UPF2: variants seen among roughly 807,000 people sequenced by gnomAD.
UPF2 encodes regulator of nonsense transcripts 2.
In UPF2, 17 loss-of-function variants were observed where a neutral mutation model predicts 141.4. The ratio of observed to expected loss-of-function variants is 0.12; its 90% CI spans 0.08 to 0.18. The LOEUF is 0.18. Among genes scored for constraint, UPF2 ranks in the 10% least tolerant of loss-of-function variants. The pLI is 1.00. For synonymous variants in UPF2, 540 were observed against 498.0 expected, an observed-to-expected ratio of 1.08 and a Z score of -1.12; for missense variants, 1,152 against 1,515.9, an observed-to-expected ratio of 0.76 and a Z score of 3.99.
rs1221717228 is a variant in UPF2, at chr10:11,939,547, CTT to C, written c.3379-2837_3379-2836del. Among the ~76,000 whole-genome samples, 22 of 149,670 alleles carry C rather than the reference CTT, an allele frequency of 1.5e-4. No individual in the cohort carries two copies. The highest frequency in any genetic ancestry group is 4.0e-4 in the Admixed American group (6 of 14,958). ...TTTTTTTTTAAGACGAAGTCTCGCTCTTGTCTCCCCCGGCTGGAGTGCAATGG... is the reference window on the plus strand; with the variant it reads ...TTTTTTTTTAAGACGAAGTCTCGCTCGTCTCCCCCGGCTGGAGTGCAATGG... On this transcript the variant is annotated intron_variant, in intron 18 of 21. Coordinates refer to ENST00000357604, the MANE Select transcript of UPF2 (RefSeq NM_015542.4). This position sits in a 1 kb window ranked among gnomAD's most constrained non-coding sequence, Gnocchi z 4.8.
At position 12,028,765 on chromosome 10, in the gene UPF2, C is replaced by T. The variant is rs1291222826; in HGVS notation, c.1125G>A (p.Gln375=). Residue 375 remains glutamine, a synonymous_variant, in exon 3 of 22, where the codon CAG becomes CAA. Coordinates refer to ENST00000357604, the MANE Select transcript of UPF2 (RefSeq NM_015542.4). ...KHLKRDHREL[Q]NTERQNRRIL... ...ATCACCTGTTTTGTCTCTCAGTATTCTGGAGCTCCCTGTGGTCCCTTTTCA... is the reference window on the plus strand; with the variant it reads ...ATCACCTGTTTTGTCTCTCAGTATTTTGGAGCTCCCTGTGGTCCCTTTTCA... The T allele has an allele frequency of 6.2e-7, 1 of 1,602,276 alleles. No individual in the cohort carries two copies. The highest frequency in any genetic ancestry group is 1.3e-5 in the African/African-American group (1 of 74,178).
intron 2 of UPF2, 150 bp downstream of exon 2, chr10:12,034,909 G>C (rs771459498): frequency 2.6e-6 from 3 of 1,158,872 alleles, no homozygotes; most frequent in Non-Finnish European, 3.6e-6. Flanking sequence ...CATGCCTCTA[G>C]TCAGTGAAAC....
intron 11 of UPF2, among the ~76,000 whole-genome samples, chr10:11,960,498 C>T: frequency 6.6e-6 from 1 of 152,090 alleles, no homozygotes; most frequent in Admixed American, 6.6e-5. Flanking sequence ...AGCCCAGAAG[C>T]TCGAGGCTAC....
chr10:11,959,079 G>A lies in UPF2; in HGVS notation c.2370+92C>T. The A allele has an allele frequency of 1.6e-6, 2 of 1,262,708 alleles. No homozygotes were observed. Among genetic ancestry groups the A allele is most frequent in the East Asian group, 5.1e-5 (2 of 39,052 alleles). The allele number at this position is 1,262,708 out of a possible 1,614,324, so 78.2% of individuals were successfully genotyped here. On this transcript the variant is annotated intron_variant, in intron 12 of 21. Transcript: ENST00000357604. The surrounding 1 kb of genome is among the most constrained non-coding windows in gnomAD (Gnocchi z 5.9). ...CAGAGCTGATTATAAAGGAACTTGA[G>A]CTCTACCCCCACTTCTCCTAGACTC... is the stretch of plus-strand genomic sequence containing the variant.
At chr10:11,929,216 T>C (rs1832752108) in intron 21 of UPF2, among the ~76,000 whole-genome samples, 1 of 152,222 alleles carries the variant, frequency 6.6e-6, no homozygotes, top group South Asian at 2.1e-4. Flanking sequence ...AAATAGATTT[T>C]TAGTTTTTGT....
chr10:11,965,245 A>G (rs1419261062), intron 10 of UPF2, among the ~76,000 whole-genome samples: 1 of 152,170 alleles, frequency 6.6e-6, no homozygotes, highest in Non-Finnish European at 1.5e-5. Context: ...TTCTTCCTAT[A>G]TATTTTTAAG....
chr10:11,937,665 G>A (rs779082193), intron 18 of UPF2, among the ~76,000 whole-genome samples: 11 of 152,106 alleles, frequency 7.2e-5, no homozygotes, highest in Admixed American at 1.3e-4. Flanking sequence ...AAAGAGGGAC[G>A]AGCTGAATGT....
intron 4 of UPF2, among the ~76,000 whole-genome samples, chr10:12,011,492 T>C (rs1486441336): frequency 6.6e-6 from 1 of 151,876 alleles, no homozygotes; most frequent in Non-Finnish European, 1.5e-5. Context: ...CAGTTATTGC[T>C]TGGGAGGCTG....
chr10:11,980,136 C>T lies in UPF2; in HGVS notation c.1845-971G>A, dbSNP rs553944646. ...TTCCCATTACACAGGAATGATGCTCCAGAATCCTGCCTAGCACAGCACTCC... is the reference window on the plus strand; with the variant it reads ...TTCCCATTACACAGGAATGATGCTCTAGAATCCTGCCTAGCACAGCACTCC... On this transcript the variant is annotated intron_variant, in intron 8 of 21. Coordinates refer to ENST00000357604, the MANE Select transcript of UPF2 (RefSeq NM_015542.4). The surrounding 1 kb of genome is among the most constrained non-coding windows in gnomAD (Gnocchi z 4.2). Among the ~76,000 whole-genome samples the T allele has an allele frequency of 1.5e-3, 236 of 152,298 alleles. No individual in the cohort carries two copies. Among genetic ancestry groups the T allele is most frequent in the African/African-American group, 5.6e-3 (232 of 41,558 alleles).
intron 11 of UPF2, among the ~76,000 whole-genome samples, chr10:11,960,865 G>A (rs1833228788): frequency 6.6e-6 from 1 of 152,056 alleles, no homozygotes; most frequent in Middle Eastern, 3.2e-3. Flanking sequence ...GCCAAGACAA[G>A]AGGATCACTT....
intron 11 of UPF2, among the ~76,000 whole-genome samples, chr10:11,960,844 C>T (rs1312952613): frequency 6.6e-6 from 1 of 151,798 alleles, no homozygotes; most frequent in Non-Finnish European, 1.5e-5. Flanking sequence ...GTAATCCCAA[C>T]ACTTTGGGAG....
chr10:11,949,045 A>T (rs1445123987), intron 15 of UPF2, among the ~76,000 whole-genome samples: 1 of 152,192 alleles, frequency 6.6e-6, no homozygotes, highest in African/African-American at 2.4e-5. Context: ...CATACAGACT[A>T]ATTTTTTTTC....
chr10:11,942,873 T>G, intron 17 of UPF2, 110 bp from the exon 18 acceptor site: 1 of 983,752 alleles, frequency 1.0e-6, no homozygotes, highest in South Asian at 1.5e-5. Context: ...AGGAGTAAAG[T>G]GAGTAAAATA....
intron 1 of UPF2, among the ~76,000 whole-genome samples, chr10:12,036,821 T>C (rs901814148): frequency 6.6e-6 from 1 of 152,100 alleles, no homozygotes; most frequent in African/African-American, 2.4e-5. Context: ...AAGTCGAGAG[T>C]TCGAGACCAA....
At chr10:12,010,580 C>T (rs1458869806) in intron 4 of UPF2, among the ~76,000 whole-genome samples, 1 of 152,116 alleles carries the variant, frequency 6.6e-6, no homozygotes, top group African/African-American at 2.4e-5. Context: ...GAAAGGACAT[C>T]AATGAACTGT....
chr10:11,922,535 G>A (rs1379844933), intron 21 of UPF2, among the ~76,000 whole-genome samples: 1 of 152,154 alleles, frequency 6.6e-6, no homozygotes, highest in East Asian at 1.9e-4. Context: ...AATAAATGCA[G>A]TAAATGACAG....
chr10:11,992,143 C>CAAAA lies in UPF2; in HGVS notation c.1844+5525_1844+5528dup, dbSNP rs111374153. Among the ~76,000 whole-genome samples the CAAAA allele has an allele frequency of 7.2e-6, 1 of 138,148 alleles. No homozygotes were observed. 90.6% of individuals were successfully genotyped at this position (138,148 alleles called of 152,430 possible). On this transcript the variant is annotated intron_variant, in intron 8 of 21. Coordinates refer to ENST00000357604, the MANE Select transcript of UPF2 (RefSeq NM_015542.4). This position sits in a 1 kb window ranked among gnomAD's most constrained non-coding sequence, Gnocchi z 4.1. Reference sequence around the variant, plus strand: ...TGGGCAATAGAGCAAAACTCAGTCTCAAAAAAAAAAATGAAAATGACCTTC... The same window carrying CAAAA: ...TGGGCAATAGAGCAAAACTCAGTCTCAAAAAAAAAAAAAAATGAAAATGACCTTC...
chr10:11,958,116 G>A (rs75485744), intron 12 of UPF2, among the ~76,000 whole-genome samples: 2 of 152,128 alleles, frequency 1.3e-5, no homozygotes, highest in Non-Finnish European at 1.5e-5. Context: ...TTGGGAGGCT[G>A]AGGCAGGAGG....
intron 11 of UPF2, among the ~76,000 whole-genome samples, chr10:11,963,622 T>C (rs1833274095): frequency 6.6e-6 from 1 of 152,204 alleles, no homozygotes; most frequent in Admixed American, 6.5e-5. Flanking sequence ...ATTTAATATA[T>C]TTAAGCTTAC....
Sources: allele counts gnomAD v4.1 joint callset (sites outside exome capture counted in the v4.1 genomes callset), GRCh38; gene constraint gnomAD v4.1.1; non-coding constraint Gnocchi (gnomAD v3.1); transcripts MANE v1.5; gene names NCBI Gene and HGNC (gene_info 2026-07-23, HGNC 2026-07-21).